The following PCP4 variants were observed in gnomAD, a reference collection of about 807,000 sequenced individuals.
PCP4 encodes Purkinje cell protein 4, also known as calmodulin regulator protein PCP4.
A neutral mutation model predicts 10.0 loss-of-function variants in PCP4; 8 were observed. The ratio of observed to expected loss-of-function variants is 0.80; its 90% CI spans 0.47 to 1.45. The LOEUF is 1.45. Ranked by LOEUF, PCP4 falls within the 40% of genes most tolerant of loss-of-function variation. PCP4 has a pLI of 0.00. For synonymous variants in PCP4, 21 were observed against 23.0 expected, an observed-to-expected ratio of 0.91 and a Z score of 0.24; for missense variants, 54 against 74.4, an observed-to-expected ratio of 0.73 and a Z score of 1.01.
In PCP4 at chr21:39,892,399, T is replaced by C. The variant is rs888046646; in HGVS notation, c.10-6077T>C. ...ATTTTCTTTATTATACTGAAACAGT[T>C]TGTGCCTTCAGTCTCTTGCCTTGGC... is the stretch of plus-strand genomic sequence containing the variant. On this transcript the variant is annotated intron_variant, in intron 1 of 2. Coordinates refer to ENST00000328619, the MANE Select transcript of PCP4 (RefSeq NM_006198.3). Among the ~76,000 whole-genome samples, 5 of 152,336 alleles carry C rather than the reference T, an allele frequency of 3.3e-5. No individual in the cohort carries two copies. In the East Asian group the frequency reaches 5.8e-4, roughly 18 times the overall value.
chr21:39,867,976 C>G (rs893248428), intron 1 of PCP4, among the ~76,000 whole-genome samples: 1 of 152,140 alleles, frequency 6.6e-6, no homozygotes, highest in South Asian at 2.1e-4. Flanking sequence ...GTACAAACTA[C>G]CTCTGCAGTT....
intron 2 of PCP4, among the ~76,000 whole-genome samples, chr21:39,904,725 G>C (rs2087498093): frequency 6.6e-6 from 1 of 152,224 alleles, no homozygotes; most frequent in Admixed American, 6.5e-5. Flanking sequence ...ACGGAAGACA[G>C]AGCAGCCTGC....
intron 1 of PCP4, among the ~76,000 whole-genome samples, chr21:39,885,875 G>A (rs1043466506): frequency 6.6e-6 from 1 of 152,230 alleles, no homozygotes; most frequent in Non-Finnish European, 1.5e-5. Context: ...CAACAGAAAT[G>A]TATTCTCTTA....
At chr21:39,918,559 A>G (rs1473512332) in intron 2 of PCP4, among the ~76,000 whole-genome samples, 2 of 152,202 alleles carry the variant, frequency 1.3e-5, no homozygotes, top group African/African-American at 4.8e-5. Context: ...TAAGTACCAA[A>G]GAAGGCACTA....
intron 1 of PCP4, among the ~76,000 whole-genome samples, chr21:39,884,977 T>C (rs990318750): frequency 2.0e-5 from 3 of 152,234 alleles, no homozygotes; most frequent in African/African-American, 4.8e-5. Flanking sequence ...GTTTTGAGTA[T>C]AGCATGATCA....
rs73904460 is a variant in PCP4, at chr21:39,881,434, A to G, written c.9+13924A>G. On this transcript the variant is annotated intron_variant, in intron 1 of 2. Coordinates refer to ENST00000328619, the MANE Select transcript of PCP4 (RefSeq NM_006198.3). Reference sequence around the variant, plus strand: ...AAAAGGGTTTGCATGGGGGTCTAGGAAGCCAGTTAAACACATGAAAAACAC... The same window carrying G: ...AAAAGGGTTTGCATGGGGGTCTAGGGAGCCAGTTAAACACATGAAAAACAC... 8.4e-3 allele frequency among the ~76,000 whole-genome samples: 1,283 copies of G among 152,258 alleles called. 19 individuals carry two copies. The highest frequency in any genetic ancestry group is 0.03 in the African/African-American group (1,240 of 41,532).
At chr21:39,903,867 CA>C (rs1210365373) in intron 2 of PCP4, among the ~76,000 whole-genome samples, 1 of 34,820 alleles carries the variant, frequency 2.9e-5, no homozygotes, top group Non-Finnish European at 5.9e-5. Flanking sequence ...GACTCCGTCT[CA>C]AAAAAAACAA....
At chr21:39,881,818 C>T (rs886071223) in intron 1 of PCP4, among the ~76,000 whole-genome samples, 2 of 152,126 alleles carry the variant, frequency 1.3e-5, no homozygotes, top group Non-Finnish European at 2.9e-5. Context: ...TCAGGTTTTC[C>T]GTCTTCCAAG....
At chr21:39,928,849 C>T (rs1467910106) in intron 2 of PCP4, 135 bp from the exon 3 acceptor site, 6 of 752,746 alleles carry the variant, frequency 8.0e-6, no homozygotes, top group South Asian at 3.8e-5. Context: ...CAGATGAGCT[C>T]TTGTCCTGGG....
chr21:39,879,865 G>A (rs189131115), intron 1 of PCP4, among the ~76,000 whole-genome samples: 309 of 152,258 alleles, frequency 2.0e-3, no homozygotes, highest in African/African-American at 6.6e-3. Context: ...AAATCAATAC[G>A]ATGCCCCTTG....
At chr21:39,897,730 T>C (rs927799852) in intron 1 of PCP4, among the ~76,000 whole-genome samples, 1 of 152,024 alleles carries the variant, frequency 6.6e-6, no homozygotes, top group African/African-American at 2.4e-5. Flanking sequence ...AAGAGTTTCT[T>C]AGTTGATTAA....
At position 39,870,111 on chromosome 21, in the gene PCP4, C is replaced by T. The variant is rs561761508; in HGVS notation, c.9+2601C>T. Reference sequence around the variant, plus strand: ...CCTGCTCTGCACTTCCAGGCCTCCCCGCCTTTAAGGGAAAGGTGGAGTGGC... The same window carrying T: ...CCTGCTCTGCACTTCCAGGCCTCCCTGCCTTTAAGGGAAAGGTGGAGTGGC... On this transcript the variant is annotated intron_variant, in intron 1 of 2. Transcript: ENST00000328619. Among the ~76,000 whole-genome samples, 14 of 152,342 alleles carry T rather than the reference C, an allele frequency of 9.2e-5. No individual in the cohort carries two copies. The East Asian group carries it at 2.3e-3, about 25-fold the overall frequency.
intron 2 of PCP4, among the ~76,000 whole-genome samples, chr21:39,914,969 A>G (rs554862468): frequency 1.3e-4 from 20 of 152,302 alleles, no homozygotes; most frequent in African/African-American, 4.8e-4. Context: ...TGTGAAAGGA[A>G]GAAACAAATA....
At chr21:39,867,599 A>T (rs889632251) in intron 1 of PCP4, 89 bp downstream of exon 1, 4 of 1,178,094 alleles carry the variant, frequency 3.4e-6, no homozygotes, top group Admixed American at 1.7e-5. Flanking sequence ...TGAGGGACTT[A>T]GCAGTGCTGA....
At chr21:39,926,307 C>T (rs1157033250) in intron 2 of PCP4, 3 of 192,122 alleles carry the variant, frequency 1.6e-5, no homozygotes, top group African/African-American at 2.3e-5. Flanking sequence ...TGTGAACTGT[C>T]CTCACTGTTT....
At chr21:39,884,127 A>G (rs1410689190) in intron 1 of PCP4, among the ~76,000 whole-genome samples, 1 of 152,088 alleles carries the variant, frequency 6.6e-6, no homozygotes, top group African/African-American at 2.4e-5. Flanking sequence ...TACATGTGGT[A>G]AAATCTACCC....
chr21:39,907,716 G>C (rs113779136), intron 2 of PCP4, among the ~76,000 whole-genome samples: 3,612 of 152,142 alleles, frequency 0.024, 147 homozygotes, highest in African/African-American at 0.081. Context: ...ACAATCACTT[G>C]AACCCAGGAG....
chr21:39,896,259 T>C (rs533183134), intron 1 of PCP4, among the ~76,000 whole-genome samples: 1 of 152,364 alleles, frequency 6.6e-6, no homozygotes, highest in African/African-American at 2.4e-5. Context: ...AATTTGACTT[T>C]ATTCTACTCT....
chr21:39,892,558 CT>C lies in PCP4; in HGVS notation c.10-5911del, dbSNP rs200852209. The stretch of plus-strand genomic sequence containing the variant: ...GCATTTAGAATTTTGTGTTTTAAAA[CT>C]TTTTTTAAGTTTTAATTTTTGTGGG... On this transcript the variant is annotated intron_variant, in intron 1 of 2. Transcript: ENST00000328619. Among the ~76,000 whole-genome samples, 1,405 of 151,784 alleles carry C rather than the reference CT, an allele frequency of 9.3e-3. 13 individuals are homozygous for C. Among genetic ancestry groups the C allele is most frequent in the Non-Finnish European group, 0.013 (909 of 67,916 alleles).
Sources: gnomAD v4.1 joint callset for allele counts (sites outside exome capture counted in the v4.1 genomes callset) on GRCh38, gnomAD v4.1.1 for gene constraint, MANE v1.5 for transcripts, NCBI Gene and HGNC (gene_info 2026-07-23, HGNC 2026-07-21) for gene names.